Variants in JDP2 observed in about 807,000 individuals in gnomAD.
JDP2 encodes progesterone receptor co-activator.
A neutral mutation model predicts 17.1 loss-of-function variants in JDP2; 9 were observed. The observed-to-expected ratio is 0.53, with a 90% CI of 0.32 to 0.92. The LOEUF is 0.92. Among genes scored for constraint, JDP2 ranks in the 40% least tolerant of loss-of-function variants. The pLI is 0.04. For missense variants in JDP2, 179 were observed against 220.0 expected, an observed-to-expected ratio of 0.81 and a Z score of 1.18; for synonymous variants, 107 against 95.6, an observed-to-expected ratio of 1.12 and a Z score of -0.69.
intron 2 of JDP2, among the ~76,000 whole-genome samples, chr14:75,456,646 G>A (rs1216247684): frequency 6.6e-6 from 1 of 152,032 alleles, no homozygotes; most frequent in Non-Finnish European, 1.5e-5. Context: ...CTCTTGGTAC[G>A]TGGTCTCTGG....
intron 2 of JDP2, among the ~76,000 whole-genome samples, chr14:75,446,687 G>A (rs894538341): frequency 7.9e-5 from 12 of 152,168 alleles, no homozygotes; most frequent in Non-Finnish European, 1.8e-4. Context: ...TGATGGCCAA[G>A]GGATATGAGG....
chr14:75,429,530 C>A (rs1884695088), intron 1 of JDP2, among the ~76,000 whole-genome samples: 1 of 152,140 alleles, frequency 6.6e-6, no homozygotes, highest in African/African-American at 2.4e-5. Flanking sequence ...CTCCCTTCCC[C>A]CCAACCTTCC....
rs1422879588 is a variant in JDP2 at position 75,472,584 on chromosome 14, T to C, written c.*3109T>C. 6.6e-6 allele frequency: 1 copy of C among 152,210 alleles called. No homozygotes were observed. Among genetic ancestry groups the C allele is most frequent in the East Asian group, 1.9e-4 (1 of 5,198 alleles). The allele number at this position is 152,210 out of a possible 1,614,324, so 9.4% of individuals were successfully genotyped here. A position where few individuals can be genotyped will look rare whatever the true frequency, so the allele number is the denominator to read the frequency against. The stretch of plus-strand genomic sequence containing the variant: ...CTATTGACTAGCTGTGAACCTCATT[T>C]TTCTTATCTGTGAAGTGGGAACAGT... On this transcript the variant is annotated 3_prime_UTR_variant, in exon 4 of 4. Coordinates refer to ENST00000651602, the MANE Select transcript of JDP2 (RefSeq NM_001135048.2).
chr14:75,433,427 A>G (rs1884910804), intron 1 of JDP2, among the ~76,000 whole-genome samples: 2 of 151,164 alleles, frequency 1.3e-5, no homozygotes, highest in African/African-American at 4.9e-5. Flanking sequence ...AGTATCTCCC[A>G]GGAGGGTCTA....
intron 2 of JDP2, among the ~76,000 whole-genome samples, chr14:75,447,207 C>G (rs1885641909): frequency 6.6e-6 from 1 of 152,216 alleles, no homozygotes; most frequent in African/African-American, 2.4e-5. Context: ...AGCTGAAAAC[C>G]TGGTAATCCA....
In JDP2 at chr14:75,430,784, G is replaced by C. The variant is rs951762751; in HGVS notation, c.-24+2532G>C. ...CATGTGCCTGTGTATGTGTGTGTGC[G>C]TGTGCATGTGTGTGCACATGCGTTC... On this transcript the variant is annotated intron_variant, in intron 1 of 3. Coordinates refer to ENST00000651602, the MANE Select transcript of JDP2 (RefSeq NM_001135048.2). The surrounding 1 kb of genome is among the most constrained non-coding windows in gnomAD (Gnocchi z 4.5). Among the ~76,000 whole-genome samples the C allele has an allele frequency of 6.6e-6, 1 of 152,132 alleles. No homozygotes were observed. The highest frequency in any genetic ancestry group is 1.5e-5 in the Non-Finnish European group (1 of 68,016).
Position 75,437,920 on chromosome 14 carries a change from T to C in JDP2, c.-1T>C, listed in dbSNP as rs1297888048. On this transcript the variant is annotated 5_prime_UTR_variant, in exon 2 of 4. Transcript: ENST00000651602. The stretch of plus-strand genomic sequence containing the variant: ...CAGGCTGGCCTGCCACTCCTCCTGC[T>C]ATGATGCCTGGGCAGATCCCGGACC... 1.2e-6 allele frequency: 2 copies of C among 1,605,196 alleles called. No individual in the cohort carries two copies. Among genetic ancestry groups the C allele is most frequent in the East Asian group, 4.5e-5 (2 of 44,612 alleles).
chr14:75,431,744 G>A (rs968589695), intron 1 of JDP2, among the ~76,000 whole-genome samples: 5 of 152,198 alleles, frequency 3.3e-5, no homozygotes, highest in African/African-American at 4.8e-5. Context: ...GTGGGAGAGC[G>A]GAGAATCCTC....
chr14:75,431,369 G>A (rs961771978), intron 1 of JDP2, among the ~76,000 whole-genome samples: 6 of 152,242 alleles, frequency 3.9e-5, no homozygotes, highest in Non-Finnish European at 8.8e-5. Flanking sequence ...TTCTATGGCT[G>A]GGATGGCTGT....
chr14:75,427,514 C>G (rs933434957), upstream of JDP2: 3 of 152,498 alleles, frequency 2.0e-5, no homozygotes, highest in Non-Finnish European at 4.4e-5. The surrounding 1 kb of genome is among the most constrained non-coding windows in gnomAD (Gnocchi z 4.4). Flanking sequence ...TGCGGAAATT[C>G]TCCCTGTCGC....
At position 75,428,863 on chromosome 14, in the gene JDP2, G is replaced by A. The variant is rs1426867029; in HGVS notation, c.-24+611G>A. ...AGCTCTGGGCTGGGAGGGGATCTAGGGGTGGCCGGGGTCCCCTTTGGGCTC... is the reference window on the plus strand; with the variant it reads ...AGCTCTGGGCTGGGAGGGGATCTAGAGGTGGCCGGGGTCCCCTTTGGGCTC... On this transcript the variant is annotated intron_variant, in intron 1 of 3. Transcript: ENST00000651602. This position sits in a 1 kb window ranked among gnomAD's most constrained non-coding sequence, Gnocchi z 5.6. 6.6e-6 allele frequency among the ~76,000 whole-genome samples: 1 copy of A among 152,140 alleles called. No homozygotes were observed. Among genetic ancestry groups the A allele is most frequent in the African/African-American group, 2.4e-5 (1 of 41,434 alleles).
intron 2 of JDP2, among the ~76,000 whole-genome samples, chr14:75,459,078 T>C (rs947047271): frequency 6.6e-6 from 1 of 152,014 alleles, no homozygotes; most frequent in African/African-American, 2.4e-5. Flanking sequence ...AGGATGGGGG[T>C]AGGGATTGAA....
At chr14:75,463,464 T>C (rs1594975195) in intron 3 of JDP2, among the ~76,000 whole-genome samples, 1 of 151,556 alleles carries the variant, frequency 6.6e-6, no homozygotes, top group East Asian at 1.9e-4. Context: ...GTGTCGGCAG[T>C]GGGATGGGAG....
chr14:75,467,171 G>A (rs1346786718), intron 3 of JDP2, among the ~76,000 whole-genome samples: 3 of 152,124 alleles, frequency 2.0e-5, no homozygotes, highest in South Asian at 2.1e-4. Context: ...GTCCTAAAGC[G>A]AGCTATGATC....
At position 75,469,541 on chromosome 14, in the gene JDP2, AG is replaced by A; in HGVS notation, c.*72del. ...GGAAAAGTGACGAAGAGAGAGGAGG[AG>A]GGGGGCCCCAGATGGCCCTTCCTTT... is the stretch of plus-strand genomic sequence containing the variant. On this transcript the variant is annotated 3_prime_UTR_variant, in exon 4 of 4. Coordinates refer to ENST00000651602, the MANE Select transcript of JDP2 (RefSeq NM_001135048.2). 2 of 1,516,630 alleles carry A rather than the reference AG, an allele frequency of 1.3e-6. No individual in the cohort carries two copies. The highest frequency in any genetic ancestry group is 1.2e-5 in the South Asian group (1 of 80,700). 93.9% of individuals were successfully genotyped at this position (1,516,630 alleles called of 1,614,324 possible). A position where few individuals can be genotyped will look rare whatever the true frequency, so the allele number is the denominator to read the frequency against.
In JDP2 at chr14:75,470,636, G is replaced by C. The variant is rs563543788; in HGVS notation, c.*1161G>C. On this transcript the variant is annotated 3_prime_UTR_variant, in exon 4 of 4. Coordinates refer to ENST00000651602, the MANE Select transcript of JDP2 (RefSeq NM_001135048.2). ...GCAGTTACTATTTTGAGAGCAGTCA[G>C]AGTGTTCGCTCACTCTGCAGATGTT... 1.3e-5 allele frequency: 2 copies of C among 152,252 alleles called. No individual in the cohort carries two copies. The highest frequency in any genetic ancestry group is 4.1e-4 in the South Asian group (2 of 4,836). The allele number at this position is 152,252 out of a possible 1,614,324, so 9.4% of individuals were successfully genotyped here.
At chr14:75,452,086 G>A (rs1189468794) in intron 2 of JDP2, among the ~76,000 whole-genome samples, 2 of 152,134 alleles carry the variant, frequency 1.3e-5, no homozygotes, top group Admixed American at 1.3e-4. Context: ...GCCCAGCTAA[G>A]AAACTTCTTA....
chr14:75,470,045 G>A lies in JDP2; in HGVS notation c.*570G>A, dbSNP rs940575734. 7 of 152,768 alleles carry A rather than the reference G, an allele frequency of 4.6e-5. No homozygotes were observed. Among genetic ancestry groups the A allele is most frequent in the African/African-American group, 7.2e-5 (3 of 41,452 alleles). 9.5% of individuals were successfully genotyped at this position (152,768 alleles called of 1,614,324 possible). On this transcript the variant is annotated 3_prime_UTR_variant, in exon 4 of 4. Transcript: ENST00000651602. ...GGAGGCGGCAGCCGGGCGCACCCTC[G>A]CCAGCCCTGCTGGAGTTTGCTGTGG... is the stretch of plus-strand genomic sequence containing the variant.
At chr14:75,441,488 G>C (rs1327317000) in intron 2 of JDP2, among the ~76,000 whole-genome samples, 1 of 152,198 alleles carries the variant, frequency 6.6e-6, no homozygotes, top group Non-Finnish European at 1.5e-5. Flanking sequence ...TACAGATAAA[G>C]CAGTCAAAGC....
Sources: gnomAD v4.1 joint callset for allele counts (sites outside exome capture counted in the v4.1 genomes callset) on GRCh38, gnomAD v4.1.1 for gene constraint, Gnocchi (gnomAD v3.1) non-coding constraint, MANE v1.5 for transcripts, NCBI Gene and HGNC (gene_info 2026-07-23, HGNC 2026-07-21) for gene names.